The following TRAPPC9 variants were observed in gnomAD, a reference collection of about 807,000 sequenced individuals.
TRAPPC9 encodes the protein IKK2 binding protein.
A neutral mutation model predicts 124.0 loss-of-function variants in TRAPPC9; 83 were observed. That is an observed-to-expected ratio of 0.67 (90% CI 0.56 to 0.80). TRAPPC9 has a LOEUF of 0.80. Among genes scored for constraint, TRAPPC9 ranks in the 30% least tolerant of loss-of-function variants. The pLI is 0.00. For synonymous variants in TRAPPC9, 638 were observed against 617.5 expected (o/e 1.03, Z -0.49); for missense variants, 1,302 against 1,508.3 (o/e 0.86, Z 2.27).
chr8:140,058,858 GGA>G (rs1842430345), intron 17 of TRAPPC9, among the ~76,000 whole-genome samples: 1 of 152,186 alleles, frequency 6.6e-6, no homozygotes, highest in Non-Finnish European at 1.5e-5. Flanking sequence ...AGCCGAGTCA[GGA>G]GAGTCGGGAG....
chr8:140,186,542 T>C (rs1355737622), intron 17 of TRAPPC9, among the ~76,000 whole-genome samples: 1 of 152,050 alleles, frequency 6.6e-6, no homozygotes, highest in African/African-American at 2.4e-5. Flanking sequence ...CACTCCAGCC[T>C]AGGCGACAGA....
intron 17 of TRAPPC9, among the ~76,000 whole-genome samples, chr8:140,151,417 T>C (rs2061541728): frequency 6.6e-6 from 1 of 152,206 alleles, no homozygotes; most frequent in Non-Finnish European, 1.5e-5. Context: ...CACAGATTCC[T>C]TGCCTTGTAG....
At chr8:140,342,113 T>A (rs2067212975) in intron 9 of TRAPPC9, among the ~76,000 whole-genome samples, 2 of 152,124 alleles carry the variant, frequency 1.3e-5, no homozygotes, top group African/African-American at 4.8e-5. Flanking sequence ...TGAGTAATGG[T>A]GTCTTGGCAC....
In TRAPPC9 at chr8:139,873,954, C is replaced by G. The variant is rs183609648; in HGVS notation, c.3055+11925G>C. Among the ~76,000 whole-genome samples the G allele has an allele frequency of 8.9e-4, 135 of 152,354 alleles. 2 individuals carry two copies. The highest frequency in any genetic ancestry group is 3.1e-3 in the African/African-American group (128 of 41,586). On this transcript the variant is annotated intron_variant, in intron 21 of 22. Transcript: ENST00000438773. ...CTCCCAGGACTGGAGCGCACATCCT[C>G]TCAAACTGGCTGCTGCCTTGCCGAG...
chr8:140,324,130 G>A (rs1189904568), intron 9 of TRAPPC9, among the ~76,000 whole-genome samples: 5 of 152,050 alleles, frequency 3.3e-5, no homozygotes, highest in African/African-American at 1.2e-4. Context: ...ACTTACGAGT[G>A]AGAACATACG....
intron 17 of TRAPPC9, among the ~76,000 whole-genome samples, chr8:140,060,627 C>T (rs1842552476): frequency 7.0e-6 from 1 of 143,632 alleles, no homozygotes; most frequent in Non-Finnish European, 1.5e-5. Context: ...CCCATCCCTA[C>T]CCATCCCTGC....
At chr8:140,253,453 G>A (rs1037049665) in intron 15 of TRAPPC9, among the ~76,000 whole-genome samples, 9 of 152,080 alleles carry the variant, frequency 5.9e-5, no homozygotes, top group African/African-American at 1.9e-4. Flanking sequence ...GAGGCAGGGT[G>A]AATCACTTGA....
intron 11 of TRAPPC9, among the ~76,000 whole-genome samples, chr8:140,294,744 A>T (rs2065757948): frequency 6.7e-6 from 1 of 149,722 alleles, no homozygotes; most frequent in East Asian, 1.9e-4. Flanking sequence ...AGTAGCTGGG[A>T]CTACAGGTGT....
At chr8:140,304,365 T>C (rs545897356) in intron 10 of TRAPPC9, among the ~76,000 whole-genome samples, 65 of 152,276 alleles carry the variant, frequency 4.3e-4, no homozygotes, top group African/African-American at 1.5e-3. Flanking sequence ...AAAGTGCCAG[T>C]ATTACAGGTA....
At chr8:139,981,101 C>T (rs1004625799) in intron 19 of TRAPPC9, among the ~76,000 whole-genome samples, 18 of 152,230 alleles carry the variant, frequency 1.2e-4, no homozygotes, top group Admixed American at 4.6e-4. Context: ...CCAGGCTGAA[C>T]GCAAACGTTC....
intron 5 of TRAPPC9, among the ~76,000 whole-genome samples, chr8:140,411,174 T>C (rs1313251919): frequency 2.6e-5 from 4 of 152,152 alleles, no homozygotes; most frequent in Non-Finnish European, 4.4e-5. Context: ...GACATAACAG[T>C]AGAACTTCTC....
intron 9 of TRAPPC9, among the ~76,000 whole-genome samples, chr8:140,352,327 G>A (rs776850646): frequency 6.6e-6 from 1 of 152,310 alleles, no homozygotes; most frequent in Non-Finnish European, 1.5e-5. Flanking sequence ...TTTCTTGTAG[G>A]TAAAGCATGA....
intron 19 of TRAPPC9, among the ~76,000 whole-genome samples, chr8:139,944,486 T>C (rs1243500198): frequency 6.6e-6 from 1 of 152,236 alleles, no homozygotes; most frequent in Admixed American, 6.5e-5. Context: ...AAATATTCTA[T>C]ATTTTATGTG....
At chr8:139,774,903 A>G (rs1821252054) in intron 21 of TRAPPC9, among the ~76,000 whole-genome samples, 1 of 152,186 alleles carries the variant, frequency 6.6e-6, no homozygotes, top group African/African-American at 2.4e-5. Context: ...CAGAGAACAC[A>G]CAGCATCAAC....
chr8:140,283,318 G>A (rs1328877188), intron 14 of TRAPPC9, among the ~76,000 whole-genome samples: 24 of 103,920 alleles, frequency 2.3e-4, no homozygotes, highest in Admixed American at 9.9e-4. Flanking sequence ...TTTTTGAGAC[G>A]GAGTCTCGCT....
chr8:139,883,259 A>T (rs1263939110), intron 21 of TRAPPC9, among the ~76,000 whole-genome samples: 1 of 152,256 alleles, frequency 6.6e-6, no homozygotes, highest in Non-Finnish European at 1.5e-5. Flanking sequence ...CAGCAGCAAG[A>T]GGGCCCTCGC....
intron 18 of TRAPPC9, among the ~76,000 whole-genome samples, chr8:140,005,241 A>G (rs1838672519): frequency 6.6e-6 from 1 of 152,132 alleles, no homozygotes; most frequent in African/African-American, 2.4e-5. Context: ...GCTCTAGATA[A>G]GACTCAATGA....
intron 17 of TRAPPC9, among the ~76,000 whole-genome samples, chr8:140,141,449 T>A (rs556105748): frequency 2.0e-5 from 3 of 152,222 alleles, no homozygotes; most frequent in African/African-American, 4.8e-5. Context: ...TTCAGTACTA[T>A]CCACAGTTTC....
chr8:139,961,421 C>G (rs1835366650), intron 19 of TRAPPC9, among the ~76,000 whole-genome samples: 1 of 123,838 alleles, frequency 8.1e-6, no homozygotes, highest in African/African-American at 2.6e-5. Context: ...AACCACCACC[C>G]AAACCATAGC....
Sources: allele counts gnomAD v4.1 joint callset (sites outside exome capture counted in the v4.1 genomes callset), GRCh38; gene constraint gnomAD v4.1.1; transcripts MANE v1.5; gene names NCBI Gene and HGNC (gene_info 2026-07-23, HGNC 2026-07-21).